Variants in VLDLR observed in about 807,000 individuals in gnomAD.
VLDLR encodes very low density lipoprotein receptor, also known as very low-density lipoprotein receptor.
VLDLR carries 81 observed loss-of-function variants against 112.7 expected under a neutral mutation model. The observed-to-expected ratio is 0.72, with a 90% CI of 0.60 to 0.86. The LOEUF is 0.86. Ranked by LOEUF, VLDLR falls within the 40% of genes least tolerant of loss-of-function variation. VLDLR has a pLI of 0.00. For missense variants in VLDLR, 1,237 were observed against 1,099.4 expected, an observed-to-expected ratio of 1.13 and a Z score of -1.77; for synonymous variants, 436 against 384.8, an observed-to-expected ratio of 1.13 and a Z score of -1.56.
chr9:2,629,351 A>G (rs1217658578), intron 1 of VLDLR, among the ~76,000 whole-genome samples: 1 of 152,274 alleles, frequency 6.6e-6, no homozygotes, highest in African/African-American at 2.4e-5. Context: ...GAGGAATTCT[A>G]GAAACATTTT....
Position 2,651,469 on chromosome 9 carries a change from T to C in VLDLR, c.2306T>C (p.Ile769Thr), listed in dbSNP as rs1232184570. The change falls in exon 16 of 19, where the codon ATT (isoleucine) becomes ACT (threonine). Residue 769 changes from isoleucine (I) to threonine (T), a missense_variant. Coordinates refer to ENST00000382100, the MANE Select transcript of VLDLR (RefSeq NM_003383.5). ...ACAAAAGATACGAACACAACAGAAA[T>C]TTCAGCAACTAGTGGACTAGTTCCT... is the stretch of plus-strand genomic sequence containing the variant. ...SETKDTNTTE[I>T]SATSGLVPGG... is the part of the protein sequence containing the mutation. 6.2e-7 allele frequency: 1 copy of C among 1,613,808 alleles called. No homozygotes were observed. The highest frequency in any genetic ancestry group is 8.5e-7 in the Non-Finnish European group (1 of 1,179,936).
intron 11 of VLDLR, among the ~76,000 whole-genome samples, chr9:2,647,078 G>T (rs1310499870): frequency 6.6e-6 from 1 of 152,140 alleles, no homozygotes; most frequent in Non-Finnish European, 1.5e-5. Context: ...AGCAGCTCAG[G>T]AAGTTGACTA....
intron 2 of VLDLR, among the ~76,000 whole-genome samples, chr9:2,635,975 G>A (rs1817587373): frequency 6.6e-6 from 1 of 152,202 alleles, no homozygotes; most frequent in Non-Finnish European, 1.5e-5. Flanking sequence ...GTTTCAGGGG[G>A]TTAATTAACC....
chr9:2,632,890 A>AG (rs1306063140), intron 1 of VLDLR, among the ~76,000 whole-genome samples: 1 of 152,202 alleles, frequency 6.6e-6, no homozygotes, highest in Non-Finnish European at 1.5e-5. Flanking sequence ...ATAAAGCTTA[A>AG]GGTCTTTATT....
At chr9:2,649,817 G>T (rs905438934) in intron 14 of VLDLR, among the ~76,000 whole-genome samples, 1 of 152,116 alleles carries the variant, frequency 6.6e-6, no homozygotes, top group Non-Finnish European at 1.5e-5. Flanking sequence ...TGAATTTTAG[G>T]GAGGAACACC....
intron 13 of VLDLR, 132 bp from the exon 14 acceptor site, chr9:2,648,537 G>A: frequency 6.5e-7 from 1 of 1,537,362 alleles, no homozygotes; most frequent in South Asian, 1.1e-5. Flanking sequence ...TTCTTTTACA[G>A]TTTTATATCC....
At chr9:2,638,293 C>CT (rs1817682071) in intron 2 of VLDLR, among the ~76,000 whole-genome samples, 1 of 152,132 alleles carries the variant, frequency 6.6e-6, no homozygotes. Flanking sequence ...TAGAAATTAA[C>CT]TGTAATCACT....
chr9:2,653,579 C>G (rs916511145), intron 18 of VLDLR, among the ~76,000 whole-genome samples: 2 of 152,156 alleles, frequency 1.3e-5, no homozygotes, highest in African/African-American at 4.8e-5. Flanking sequence ...ACATTTTTCC[C>G]CAAGACTTAT....
At chr9:2,645,518 A>G in intron 9 of VLDLR, 56 bp from the exon 10 acceptor site, 1 of 1,605,084 alleles carries the variant, frequency 6.2e-7, no homozygotes. Context: ...GAGGTGGTTT[A>G]GAAAGACCTT....
At chr9:2,640,067 A>G (rs1817762732) in intron 3 of VLDLR, 86 bp downstream of exon 3, 1 of 1,609,994 alleles carries the variant, frequency 6.2e-7, no homozygotes, top group Admixed American at 1.7e-5. Flanking sequence ...CCTACTTGGT[A>G]TTCATTTTTC....
chr9:2,627,300 A>G (rs1197935412), intron 1 of VLDLR, among the ~76,000 whole-genome samples: 1 of 152,272 alleles, frequency 6.6e-6, no homozygotes, highest in Non-Finnish European at 1.5e-5. Flanking sequence ...TCAAAAAGCC[A>G]GAAATAATTC....
chr9:2,629,639 T>C (rs7047850), intron 1 of VLDLR, among the ~76,000 whole-genome samples: 103,734 of 152,162 alleles, frequency 0.68, 35,848 homozygotes, highest in African/African-American at 0.76. Flanking sequence ...AAAAACGATT[T>C]GATTATGTCC....
In VLDLR at chr9:2,653,965, C is replaced by G. The variant is rs759431817; in HGVS notation, c.*97C>G. 1.5e-6 allele frequency: 2 copies of G among 1,306,540 alleles called. No individual in the cohort carries two copies. Among genetic ancestry groups the G allele is most frequent in the Non-Finnish European group, 2.2e-6 (2 of 903,342 alleles). 80.9% of individuals were successfully genotyped at this position (1,306,540 alleles called of 1,614,324 possible). On this transcript the variant is annotated 3_prime_UTR_variant, in exon 19 of 19. Coordinates refer to ENST00000382100, the MANE Select transcript of VLDLR (RefSeq NM_003383.5). ...AGCTGAAGTCTCTTTTTCTTCCTCTCGGCTGGAAGAACATCAAGATACCTT... is the reference window on the plus strand; with the variant it reads ...AGCTGAAGTCTCTTTTTCTTCCTCTGGGCTGGAAGAACATCAAGATACCTT...
chr9:2,656,687 C>G lies in VLDLR; in HGVS notation c.*2819C>G, dbSNP rs1462642709. 1 of 151,992 alleles carries G rather than the reference C, an allele frequency of 6.6e-6. No individual in the cohort carries two copies. The highest frequency in any genetic ancestry group is 1.5e-5 in the Non-Finnish European group (1 of 68,014). The allele number at this position is 151,992 out of a possible 1,614,324, so 9.4% of individuals were successfully genotyped here. ...TATTTGGAGTTAGATGAGCCTGTCACACAAAGTGAAAGTGGACCCTCCAGA... is the reference window on the plus strand; with the variant it reads ...TATTTGGAGTTAGATGAGCCTGTCAGACAAAGTGAAAGTGGACCCTCCAGA... On this transcript the variant is annotated 3_prime_UTR_variant, in exon 19 of 19. Coordinates refer to ENST00000382100, the MANE Select transcript of VLDLR (RefSeq NM_003383.5).
rs546393436 is a variant in VLDLR at position 2,652,440 on chromosome 9, C to G, written c.2417-340C>G. Among the ~76,000 whole-genome samples, 20 of 152,256 alleles carry G rather than the reference C, an allele frequency of 1.3e-4. No individual in the cohort carries two copies. The South Asian group carries it at 2.9e-3, about 22-fold the overall frequency. ...GGACTTTGCTATAAAAACCTTTGTC[C>G]TAAATGAAGAGACCCAAGCTTAGCT... is the stretch of plus-strand genomic sequence containing the variant. On this transcript the variant is annotated intron_variant, in intron 17 of 18. Coordinates refer to ENST00000382100, the MANE Select transcript of VLDLR (RefSeq NM_003383.5).
At chr9:2,629,144 A>G (rs1661010306) in intron 1 of VLDLR, among the ~76,000 whole-genome samples, 1 of 152,254 alleles carries the variant, frequency 6.6e-6, no homozygotes, top group Non-Finnish European at 1.5e-5. Flanking sequence ...ATCAGAATCC[A>G]GGCTGGGGCC....
At chr9:2,628,740 G>A (rs920463985) in intron 1 of VLDLR, among the ~76,000 whole-genome samples, 1 of 152,064 alleles carries the variant, frequency 6.6e-6, no homozygotes, top group Non-Finnish European at 1.5e-5. Flanking sequence ...GTAAGTAATG[G>A]GGCCAATCAA....
intron 1 of VLDLR, among the ~76,000 whole-genome samples, chr9:2,628,122 T>A (rs1204988973): frequency 1.3e-5 from 2 of 152,118 alleles, no homozygotes; most frequent in African/African-American, 4.8e-5. Context: ...GAATATAGGA[T>A]GTCAGGCACC....
rs1057318905 is a variant in VLDLR, at chr9:2,658,639, G to T, written c.*4771G>T. ...TCCCTCTGTAAAGTAGAGACGATGGGGACTGTCTCACTGTGACAAGGTAAG... is the reference window on the plus strand; with the variant it reads ...TCCCTCTGTAAAGTAGAGACGATGGTGACTGTCTCACTGTGACAAGGTAAG... On this transcript the variant is annotated 3_prime_UTR_variant, in exon 19 of 19. Coordinates refer to ENST00000382100, the MANE Select transcript of VLDLR (RefSeq NM_003383.5). The T allele has an allele frequency of 6.6e-6, 1 of 152,218 alleles. No individual in the cohort carries two copies. Among genetic ancestry groups the T allele is most frequent in the South Asian group, 2.1e-4 (1 of 4,818 alleles). 9.4% of individuals were successfully genotyped at this position (152,218 alleles called of 1,614,324 possible).
Sources: gnomAD v4.1 joint callset for allele counts (sites outside exome capture counted in the v4.1 genomes callset) on GRCh38, gnomAD v4.1.1 for gene constraint, MANE v1.5 for transcripts, NCBI Gene and HGNC (gene_info 2026-07-23, HGNC 2026-07-21) for gene names.